Variants in CNOT6L observed in about 807,000 individuals in gnomAD.
CNOT6L encodes CCR4-NOT transcription complex subunit 6 like.
In CNOT6L, 7 loss-of-function variants were observed where a neutral mutation model predicts 64.0. That is an observed-to-expected ratio of 0.11 (90% CI 0.06 to 0.21). The LOEUF is 0.21. Ranked by LOEUF, CNOT6L falls within the 10% of genes least tolerant of loss-of-function variation. The probability of loss-of-function intolerance (pLI) is 1.00; values close to 1 mark genes in which losing one functional copy is unlikely to be tolerated. For missense variants in CNOT6L, 245 were observed against 669.0 expected, an observed-to-expected ratio of 0.37 and a Z score of 6.99; for synonymous variants, 193 against 243.4, an observed-to-expected ratio of 0.79 and a Z score of 1.93.
intron 1 of CNOT6L, among the ~76,000 whole-genome samples, chr4:77,807,410 A>T (rs988613913): frequency 6.6e-6 from 1 of 152,072 alleles, no homozygotes; most frequent in Non-Finnish European, 1.5e-5. Flanking sequence ...CTAACGCAAA[A>T]CGGAGACATA....
At chr4:77,792,554 C>T (rs1347679918) in intron 1 of CNOT6L, among the ~76,000 whole-genome samples, 3 of 151,886 alleles carry the variant, frequency 2.0e-5, no homozygotes, top group African/African-American at 4.8e-5. Context: ...GGTGAAACCC[C>T]GTCTCTACTA....
At chr4:77,732,415 C>T (rs1224520589) in intron 8 of CNOT6L, among the ~76,000 whole-genome samples, 1 of 152,050 alleles carries the variant, frequency 6.6e-6, no homozygotes, top group African/African-American at 2.4e-5. Flanking sequence ...ATTACTTGCA[C>T]TAGGTGTTCA....
chr4:77,796,799 C>T (rs1331324651), intron 1 of CNOT6L, among the ~76,000 whole-genome samples: 2 of 151,680 alleles, frequency 1.3e-5, no homozygotes, highest in Non-Finnish European at 2.9e-5. Flanking sequence ...CTGCCAAGGA[C>T]GCCAGGTGTG....
At chr4:77,771,699 T>C (rs957272561) in intron 4 of CNOT6L, among the ~76,000 whole-genome samples, 1 of 152,240 alleles carries the variant, frequency 6.6e-6, no homozygotes, top group African/African-American at 2.4e-5. Context: ...CTAATTATCA[T>C]GTGTTATTTC....
chr4:77,732,950 T>C (rs1289222166), intron 8 of CNOT6L, among the ~76,000 whole-genome samples: 1 of 152,054 alleles, frequency 6.6e-6, no homozygotes, highest in Non-Finnish European at 1.5e-5. Context: ...TTAGAAAGTT[T>C]GTGAGGTTAT....
chr4:77,802,059 G>C (rs892564219), intron 1 of CNOT6L, among the ~76,000 whole-genome samples: 2 of 152,258 alleles, frequency 1.3e-5, no homozygotes, highest in South Asian at 2.1e-4. Flanking sequence ...TTAATTTAGT[G>C]AAGAATATGT....
At chr4:77,747,622 CTTATT>C (rs1463864137) in intron 6 of CNOT6L, among the ~76,000 whole-genome samples, 1 of 151,980 alleles carries the variant, frequency 6.6e-6, no homozygotes, top group Non-Finnish European at 1.5e-5. Context: ...TAATTCATAA[CTTATT>C]TTAAGTAGAA....
chr4:77,815,633 A>G (rs1284836067), intron 1 of CNOT6L, among the ~76,000 whole-genome samples: 1 of 152,176 alleles, frequency 6.6e-6, no homozygotes, highest in East Asian at 1.9e-4. Flanking sequence ...TGCCAGGGAC[A>G]TTTCCCACTC....
intron 1 of CNOT6L, among the ~76,000 whole-genome samples, chr4:77,801,141 C>A (rs1363430469): frequency 2.0e-5 from 3 of 152,072 alleles, no homozygotes; most frequent in Non-Finnish European, 4.4e-5. Flanking sequence ...AAGCTTGGTT[C>A]CAGGAAAAGG....
At chr4:77,783,529 T>C (rs1729123158) in intron 1 of CNOT6L, among the ~76,000 whole-genome samples, 1 of 152,128 alleles carries the variant, frequency 6.6e-6, no homozygotes, top group Non-Finnish European at 1.5e-5. Flanking sequence ...CTAAAATAAG[T>C]AGAACAACTA....
upstream of CNOT6L, chr4:77,819,672 A>AGGC (rs1238585261): frequency 4.3e-5 from 6 of 139,312 alleles, no homozygotes; most frequent in East Asian, 2.2e-4. Context: ...GCGGCGGGGG[A>AGGC]GGCGGCGGCG....
chr4:77,806,876 T>C (rs1278779532), intron 1 of CNOT6L, among the ~76,000 whole-genome samples: 1 of 152,216 alleles, frequency 6.6e-6, no homozygotes, highest in Non-Finnish European at 1.5e-5. Flanking sequence ...ATAGATCTGC[T>C]GATATGATTT....
intron 5 of CNOT6L, among the ~76,000 whole-genome samples, chr4:77,755,320 G>A (rs181996248): frequency 1.5e-5 from 2 of 130,318 alleles, no homozygotes; most frequent in African/African-American, 2.9e-5. Flanking sequence ...GGGTTCAAGC[G>A]ATTCTCCTGC....
intron 1 of CNOT6L, among the ~76,000 whole-genome samples, chr4:77,794,150 CA>C (rs10649868): frequency 1.3e-3 from 68 of 52,012 alleles, no homozygotes; most frequent in African/African-American, 5.0e-3. Context: ...GACTCTGTCT[CA>C]AAAAAAAAAA....
intron 1 of CNOT6L, among the ~76,000 whole-genome samples, chr4:77,803,402 T>C (rs1035451590): frequency 3.9e-5 from 6 of 152,260 alleles, no homozygotes; most frequent in African/African-American, 1.4e-4. Flanking sequence ...TCTGACAAGA[T>C]GTATCAAATA....
chr4:77,747,892 A>G (rs1724386644), intron 6 of CNOT6L, among the ~76,000 whole-genome samples: 1 of 152,212 alleles, frequency 6.6e-6, no homozygotes. Context: ...CTCAAGAAAG[A>G]TCAAGTACTT....
intron 6 of CNOT6L, among the ~76,000 whole-genome samples, chr4:77,746,871 G>A (rs1724253215): frequency 6.6e-6 from 1 of 152,024 alleles, no homozygotes; most frequent in Admixed American, 6.6e-5. Flanking sequence ...TCATAACACT[G>A]ACACAATGCC....
intron 1 of CNOT6L, chr4:77,818,885 A>C (rs1578020105): frequency 4.7e-6 from 2 of 426,494 alleles, no homozygotes; most frequent in Non-Finnish European, 4.3e-6. Flanking sequence ...GCGGCGCGGC[A>C]CCGACCAGCA....
At chr4:77,721,091 T>C (rs1418058435) in intron 11 of CNOT6L, among the ~76,000 whole-genome samples, 1 of 152,222 alleles carries the variant, frequency 6.6e-6, no homozygotes, top group African/African-American at 2.4e-5. Context: ...CAAACACACC[T>C]GACTGAAGCT....
Sources: allele counts gnomAD v4.1 joint callset (sites outside exome capture counted in the v4.1 genomes callset), GRCh38; gene constraint gnomAD v4.1.1; transcripts MANE v1.5; gene names NCBI Gene and HGNC (gene_info 2026-07-23, HGNC 2026-07-21).